Variants in PPFIA3 observed in about 807,000 individuals in gnomAD.
PPFIA3 encodes liprin-alpha-3.
In PPFIA3, 26 loss-of-function variants were observed where a neutral mutation model predicts 145.8. The ratio of observed to expected loss-of-function variants is 0.18; its 90% CI spans 0.13 to 0.25. PPFIA3 has a LOEUF of 0.25. PPFIA3 is among the 10% of genes least tolerant of loss of function. The probability of loss-of-function intolerance (pLI) is 1.00; values close to 1 mark genes in which losing one functional copy is unlikely to be tolerated. For synonymous variants in PPFIA3, 645 were observed against 661.4 expected (o/e 0.98, Z 0.38); for missense variants, 1,008 against 1,587.8 (o/e 0.63, Z 6.21).
In PPFIA3 at chr19:49,120,257, G is replaced by A. The variant is rs2040919928; in HGVS notation, c.-16+535G>A. Among the ~76,000 whole-genome samples the A allele has an allele frequency of 6.6e-6, 1 of 151,958 alleles. No homozygotes were observed. Among genetic ancestry groups the A allele is most frequent in the Non-Finnish European group, 1.5e-5 (1 of 67,918 alleles). ...CACCTCCTGCCGCCGCCACCAGGGA[G>A]GGGGCGCAGGCGGCGCGGGGATCCC... On this transcript the variant is annotated intron_variant, in intron 1 of 29. Transcript: ENST00000334186. The surrounding 1 kb of genome is among the most constrained non-coding windows in gnomAD (Gnocchi z 4.6).
At chr19:49,131,189 G>A (rs866115539) in intron 7 of PPFIA3, among the ~76,000 whole-genome samples, 125 of 105,720 alleles carry the variant, frequency 1.2e-3, no homozygotes, top group Middle Eastern at 8.1e-3. Flanking sequence ...TTTTTTTTGA[G>A]ATGGAGTCTA....
At chr19:49,138,592 A>C (rs1216212398) in intron 16 of PPFIA3, among the ~76,000 whole-genome samples, 165 bp downstream of exon 16, 6 of 152,202 alleles carry the variant, frequency 3.9e-5, no homozygotes, top group Non-Finnish European at 8.8e-5. Context: ...AGGCTGAGTC[A>C]CTGGGATCTT....
Position 49,149,120 on chromosome 19 carries a change from C to T in PPFIA3, c.3237C>T (p.Asp1079=), listed in dbSNP as rs762803084. 1 of 1,614,040 alleles carries T rather than the reference C, an allele frequency of 6.2e-7. No homozygotes were observed. Among genetic ancestry groups the T allele is most frequent in the Non-Finnish European group, 8.5e-7 (1 of 1,180,036 alleles). Residue 1079 remains aspartate (D), a synonymous_variant, in exon 26 of 30, where the codon GAC becomes GAT. Transcript: ENST00000334186. The surrounding 1 kb of genome is among the most constrained non-coding windows in gnomAD (Gnocchi z 5.7). ...GALLALDETF[D]YSDLALLLQI... ...TGCTCGCCCTGGACGAGACCTTCGACTACTCCGACCTGGCCTTGCTCCTGC... is the reference window on the plus strand; with the variant it reads ...TGCTCGCCCTGGACGAGACCTTCGATTACTCCGACCTGGCCTTGCTCCTGC...
intron 23 of PPFIA3, among the ~76,000 whole-genome samples, chr19:49,147,232 A>G (rs2041290781): frequency 6.6e-6 from 1 of 152,170 alleles, no homozygotes; most frequent in Admixed American, 6.5e-5. Context: ...GTTGGACTGC[A>G]GTGAGACAGA....
At chr19:49,138,618 C>T (rs888557983) in intron 16 of PPFIA3, among the ~76,000 whole-genome samples, 191 bp downstream of exon 16, 1 of 152,238 alleles carries the variant, frequency 6.6e-6, no homozygotes, top group Non-Finnish European at 1.5e-5. Context: ...CTAACTTTCA[C>T]TTTAGTCAGA....
At chr19:49,148,811 A>G (rs573678671) in intron 25 of PPFIA3, 48 bp downstream of exon 25, 5 of 1,569,032 alleles carry the variant, frequency 3.2e-6, no homozygotes, top group Non-Finnish European at 4.4e-6. Flanking sequence ...GAGGGCGTGG[A>G]GCTGGATGGG....
intron 21 of PPFIA3, 24 bp from the exon 22 acceptor site, chr19:49,145,918 TC>T (rs2041274166): frequency 6.2e-7 from 1 of 1,609,484 alleles, no homozygotes; most frequent in Non-Finnish European, 8.5e-7. Context: ...TCTCCCACCA[TC>T]CATTAACACT....
intron 19 of PPFIA3, 51 bp downstream of exon 19, chr19:49,141,564 G>A (rs762838136): frequency 3.5e-6 from 5 of 1,443,438 alleles, no homozygotes; most frequent in Non-Finnish European, 3.8e-6. Context: ...ATGTGAGAGT[G>A]TGTGAGGGTG....
chr19:49,147,634 C>A, intron 23 of PPFIA3, among the ~76,000 whole-genome samples: 2 of 151,130 alleles, frequency 1.3e-5, no homozygotes, highest in South Asian at 4.2e-4. Context: ...TGCAGTGAGA[C>A]GAGATCGTGC....
Position 49,128,101 on chromosome 19 carries a change from C to A in PPFIA3, c.228C>A (p.Ile76=). Residue 76 remains isoleucine, a synonymous_variant, in exon 2 of 30, where the codon ATC becomes ATA. Transcript: ENST00000334186. This position sits in a 1 kb window ranked among gnomAD's most constrained non-coding sequence, Gnocchi z 4.1. ...EKDSLQRQLS[I]ALPQEFAALT... is the part of the protein sequence containing the mutation. ...ACTCGCTGCAGCGCCAGCTCAGCATCGCGCTGCCCCAGGTCTGGGCGGGAC... is the reference window on the plus strand; with the variant it reads ...ACTCGCTGCAGCGCCAGCTCAGCATAGCGCTGCCCCAGGTCTGGGCGGGAC... The A allele has an allele frequency of 6.5e-7, 1 of 1,543,858 alleles. No individual in the cohort carries two copies. The highest frequency in any genetic ancestry group is 8.7e-7 in the Non-Finnish European group (1 of 1,151,214).
chr19:49,134,847 G>A lies in PPFIA3; in HGVS notation c.1452G>A (p.Leu484=), dbSNP rs753808016. 8.1e-6 allele frequency: 13 copies of A among 1,598,494 alleles called. No homozygotes were observed. Among genetic ancestry groups the A allele is most frequent in the South Asian group, 1.1e-5 (1 of 88,956 alleles). Residue 484 remains leucine, a synonymous_variant, in exon 13 of 30, where the codon TTG becomes TTA. Coordinates refer to ENST00000334186, the MANE Select transcript of PPFIA3 (RefSeq NM_003660.4). ...ACACCGGCCCCCAGGAGCAGCTCTT[G>A]GCCGAAATGGAGCGGATGCAGATGG... ...DELLLNKEQL[L]AEMERMQMEI... is the part of the protein sequence containing the mutation.
At chr19:49,127,719 G>A in intron 1 of PPFIA3, 140 bp from the exon 2 acceptor site, 1 of 975,734 alleles carries the variant, frequency 1.0e-6, no homozygotes, top group Non-Finnish European at 1.4e-6. Flanking sequence ...TGATCACAGT[G>A]CCTGGGCCTC....
chr19:49,141,587 T>TGTGC (rs397810101), intron 19 of PPFIA3, 74 bp downstream of exon 19: 16 of 1,156,882 alleles, frequency 1.4e-5, no homozygotes, highest in Non-Finnish European at 2.0e-5. Flanking sequence ...TGTGTGCGTG[T>TGTGC]ATGTGTGTGT....
rs753675333 is a variant in PPFIA3, at chr19:49,138,286, G to A, written c.1935G>A (p.Ser645=). 9 of 1,613,372 alleles carry A rather than the reference G, an allele frequency of 5.6e-6. No homozygotes were observed. Among genetic ancestry groups the A allele is most frequent in the Admixed American group, 3.3e-5 (2 of 59,952 alleles). ...ESRVSSSGLD[S]LGRYRSSCSL... ...GGGTGTCCAGCTCTGGCTTGGACTC[G>A]TTGGGCCGCTACCGCAGCAGCTGCT... is the stretch of plus-strand genomic sequence containing the variant. Residue 645 remains serine, a synonymous_variant, in exon 16 of 30, where the codon TCG becomes TCA. Transcript: ENST00000334186.
chr19:49,139,032 T>C (rs560059561), intron 16 of PPFIA3, among the ~76,000 whole-genome samples: 24 of 152,132 alleles, frequency 1.6e-4, no homozygotes, highest in South Asian at 6.2e-4. Flanking sequence ...ATCCTCAGAA[T>C]TGACCTTTGA....
At chr19:49,122,534 G>C (rs1009850385) in intron 1 of PPFIA3, among the ~76,000 whole-genome samples, 2 of 152,134 alleles carry the variant, frequency 1.3e-5, no homozygotes, top group Admixed American at 1.3e-4. Context: ...CGTTGTTCTA[G>C]ATTCCATTCT....
chr19:49,128,226 C>G lies in PPFIA3; in HGVS notation c.240+113C>G. 6.8e-7 allele frequency: 1 copy of G among 1,481,044 alleles called. No homozygotes were observed. The allele number at this position is 1,481,044 out of a possible 1,614,324, so 91.7% of individuals were successfully genotyped here. A position where few individuals can be genotyped will look rare whatever the true frequency, so the allele number is the denominator to read the frequency against. On this transcript the variant is annotated intron_variant, in intron 2 of 29. Coordinates refer to ENST00000334186, the MANE Select transcript of PPFIA3 (RefSeq NM_003660.4). The surrounding 1 kb of genome is among the most constrained non-coding windows in gnomAD (Gnocchi z 4.1). ...AGGGAGGAGTCTGGGCGAGGCTTGC[C>G]GTTAATGGGCGGGGCCTGAGTGGCA...
Position 49,134,173 on chromosome 19 carries a change from C to T in PPFIA3, c.1377+8C>T. The T allele has an allele frequency of 6.2e-7, 1 of 1,605,462 alleles. No homozygotes were observed. Among genetic ancestry groups the T allele is most frequent in the Non-Finnish European group, 8.5e-7 (1 of 1,176,572 alleles). ...GGGGCGCTGGAGGAGAAGGTGCGCC[C>T]CCCATACAGGACTGCGGGACGCGGA... is the stretch of plus-strand genomic sequence containing the variant. On this transcript the variant is annotated splice_region_variant and intron_variant, in intron 11 of 29. Coordinates refer to ENST00000334186, the MANE Select transcript of PPFIA3 (RefSeq NM_003660.4).
At position 49,120,290 on chromosome 19, in the gene PPFIA3, C is replaced by A. The variant is rs1389308042; in HGVS notation, c.-16+568C>A. On this transcript the variant is annotated intron_variant, in intron 1 of 29. Transcript: ENST00000334186. This position sits in a 1 kb window ranked among gnomAD's most constrained non-coding sequence, Gnocchi z 4.6. ...AGGCGGCGCGGGGATCCCCCCGCCG[C>A]GCCTTTGACCCGGGAATACCCGGGC... Among the ~76,000 whole-genome samples the A allele has an allele frequency of 6.6e-6, 1 of 152,042 alleles. No individual in the cohort carries two copies. The highest frequency in any genetic ancestry group is 1.5e-5 in the Non-Finnish European group (1 of 67,958).
Sources: gnomAD v4.1 joint callset for allele counts (sites outside exome capture counted in the v4.1 genomes callset) on GRCh38, gnomAD v4.1.1 for gene constraint, Gnocchi (gnomAD v3.1) non-coding constraint, MANE v1.5 for transcripts, NCBI Gene and HGNC (gene_info 2026-07-23, HGNC 2026-07-21) for gene names.